Variants in PACSIN2 observed in about 807,000 individuals in gnomAD.
PACSIN2 encodes the protein protein kinase C and casein kinase substrate in neurons protein 2.
In PACSIN2, 25 loss-of-function variants were observed where a neutral mutation model predicts 63.8. That is an observed-to-expected ratio of 0.39 (90% CI 0.29 to 0.55). PACSIN2 has a LOEUF of 0.55. Among genes scored for constraint, PACSIN2 ranks in the 20% least tolerant of loss-of-function variants. PACSIN2 has a pLI of 0.62. For missense variants in PACSIN2, 518 were observed against 646.9 expected (o/e 0.80, Z 2.16); for synonymous variants, 255 against 256.2 (o/e 1.00, Z 0.05).
intron 1 of PACSIN2, among the ~76,000 whole-genome samples, chr22:42,922,268 A>G (rs942154526): frequency 6.6e-6 from 1 of 152,212 alleles, no homozygotes; most frequent in Non-Finnish European, 1.5e-5. Flanking sequence ...TTTGGGCTTG[A>G]TAACAGATAT....
chr22:42,883,723 C>T (rs931629479), intron 6 of PACSIN2, among the ~76,000 whole-genome samples: 2 of 152,228 alleles, frequency 1.3e-5, no homozygotes, highest in African/African-American at 2.4e-5. Flanking sequence ...ATGCCAGCTG[C>T]GGCCAGGTGC....
intron 1 of PACSIN2, among the ~76,000 whole-genome samples, chr22:42,935,095 T>A (rs907564309): frequency 9.3e-5 from 14 of 150,558 alleles, no homozygotes; most frequent in African/African-American, 1.7e-4. Context: ...TTTTTTTTTT[T>A]TTTTTATTTT....
intron 7 of PACSIN2, among the ~76,000 whole-genome samples, chr22:42,879,487 C>T (rs551004212): frequency 6.6e-6 from 1 of 152,216 alleles, no homozygotes; most frequent in Non-Finnish European, 1.5e-5. Context: ...AGGACCAGGG[C>T]AAGGTCCGGG....
chr22:42,947,860 G>A (rs1453652336), intron 1 of PACSIN2, among the ~76,000 whole-genome samples: 1 of 152,232 alleles, frequency 6.6e-6, no homozygotes, highest in African/African-American at 2.4e-5. Flanking sequence ...ATTGGCCAGG[G>A]AGAAGGTGAC....
intron 10 of PACSIN2, among the ~76,000 whole-genome samples, chr22:42,873,422 C>T (rs1184373970): frequency 6.6e-6 from 1 of 152,210 alleles, no homozygotes; most frequent in African/African-American, 2.4e-5. Context: ...TGGGCAGAGG[C>T]AGCTGATAAC....
intron 1 of PACSIN2, among the ~76,000 whole-genome samples, chr22:42,962,786 G>GGGA: frequency 7.6e-6 from 1 of 131,498 alleles, no homozygotes; most frequent in African/African-American, 2.9e-5. Flanking sequence ...GGGGGGGGGG[G>GGGA]GCGGCGCAGA....
At chr22:42,875,037 A>G (rs895784401) in intron 10 of PACSIN2, among the ~76,000 whole-genome samples, 4 of 151,242 alleles carry the variant, frequency 2.6e-5, no homozygotes. Context: ...TTTTTAGTAG[A>G]GACGGGGTTT....
At chr22:42,913,503 AAG>A (rs1167086231) in intron 1 of PACSIN2, among the ~76,000 whole-genome samples, 3 of 133,596 alleles carry the variant, frequency 2.2e-5, no homozygotes, top group Non-Finnish European at 4.8e-5. Context: ...AAAAAAAAAA[AAG>A]AGAGACACTA....
At chr22:42,890,203 T>A (rs1204042289) in intron 4 of PACSIN2, among the ~76,000 whole-genome samples, 1 of 152,062 alleles carries the variant, frequency 6.6e-6, no homozygotes, top group South Asian at 2.1e-4. Flanking sequence ...GGTTTCATCA[T>A]GTTGGCCAGG....
At chr22:42,943,547 T>C (rs984450938) in intron 1 of PACSIN2, among the ~76,000 whole-genome samples, 3 of 152,234 alleles carry the variant, frequency 2.0e-5, no homozygotes, top group Non-Finnish European at 4.4e-5. Context: ...TCCAGTCAAG[T>C]TCCCTTCTGT....
intron 1 of PACSIN2, among the ~76,000 whole-genome samples, chr22:42,946,235 T>C (rs1933413947): frequency 6.6e-6 from 1 of 152,182 alleles, no homozygotes; most frequent in Non-Finnish European, 1.5e-5. Flanking sequence ...ACATACCTAA[T>C]ATAATCCAGG....
chr22:42,964,414 T>G, intron 1 of PACSIN2, among the ~76,000 whole-genome samples: 2 of 105,404 alleles, frequency 1.9e-5, no homozygotes, highest in African/African-American at 9.3e-5. Context: ...CGAGACTCCG[T>G]CTGGAAAAAA....
At chr22:42,957,670 A>G (rs1933969689) in intron 1 of PACSIN2, among the ~76,000 whole-genome samples, 1 of 152,198 alleles carries the variant, frequency 6.6e-6, no homozygotes, top group African/African-American at 2.4e-5. Flanking sequence ...TCATATTCCA[A>G]TACCTCTTCA....
At position 42,976,431 on chromosome 22, in the gene PACSIN2, C is replaced by G. The variant is rs752791259; in HGVS notation, c.-78+38590G>C. ...GCCCAGGCGACAGACTGGCTCCTCT[C>G]CCCAAAAGCCTGACAAGTCCACAGG... On this transcript the variant is annotated intron_variant, in intron 1 of 10. Transcript: ENST00000263246. 2.0e-5 allele frequency among the ~76,000 whole-genome samples: 3 copies of G among 152,202 alleles called. No homozygotes were observed. The South Asian group carries it at 6.2e-4, about 32-fold the overall frequency.
chr22:42,949,758 G>T (rs1032518170), intron 1 of PACSIN2, among the ~76,000 whole-genome samples: 2 of 151,794 alleles, frequency 1.3e-5, no homozygotes, highest in Non-Finnish European at 2.9e-5. Context: ...ATAAAAATTT[G>T]TCAGTTTGGC....
At chr22:43,002,051 C>G (rs1159440208) in intron 1 of PACSIN2, among the ~76,000 whole-genome samples, 4 of 152,096 alleles carry the variant, frequency 2.6e-5, no homozygotes, top group Admixed American at 2.6e-4. Context: ...CACAGCAGAC[C>G]AGAACAGAAA....
rs745346041 is a variant in PACSIN2, at chr22:42,882,177, C to T, written c.906+7G>A. ...CTGATGAGCTCATGGGCACACCCTC[C>T]TCTTACCTCAAACTGCGGCCAGTTC... On this transcript the variant is annotated splice_region_variant and intron_variant, in intron 7 of 10. Coordinates refer to ENST00000263246, the MANE Select transcript of PACSIN2 (RefSeq NM_001184970.3). 6 of 1,613,918 alleles carry T rather than the reference C, an allele frequency of 3.7e-6. No individual in the cohort carries two copies. The Admixed American group carries it at 8.3e-5, about 22-fold the overall frequency.
At chr22:43,009,131 T>C (rs891780035) in intron 1 of PACSIN2, among the ~76,000 whole-genome samples, 5 of 152,208 alleles carry the variant, frequency 3.3e-5, no homozygotes, top group Non-Finnish European at 5.9e-5. Context: ...TAACTCATAA[T>C]GACAACCACC....
At chr22:42,892,759 T>G (rs943117136) in intron 3 of PACSIN2, among the ~76,000 whole-genome samples, 3 of 152,196 alleles carry the variant, frequency 2.0e-5, no homozygotes, top group African/African-American at 7.2e-5. Context: ...CTCCCCTGAT[T>G]GGCTGAGGAC....
Sources: gnomAD v4.1 joint callset for allele counts (sites outside exome capture counted in the v4.1 genomes callset) on GRCh38, gnomAD v4.1.1 for gene constraint, MANE v1.5 for transcripts, NCBI Gene and HGNC (gene_info 2026-07-23, HGNC 2026-07-21) for gene names.